Variants in FARP1 observed in about 807,000 individuals in gnomAD.
The protein encoded by FARP1 is FERM, ARH/RhoGEF and pleckstrin domain protein 1.
In FARP1, 52 loss-of-function variants were observed where a neutral mutation model predicts 128.8. The observed-to-expected ratio is 0.40, with a 90% CI of 0.32 to 0.51. FARP1 has a LOEUF of 0.51. Ranked by LOEUF, FARP1 falls within the 20% of genes least tolerant of loss-of-function variation. The pLI is 0.45. For synonymous variants in FARP1, 580 were observed against 551.8 expected, an observed-to-expected ratio of 1.05 and a Z score of -0.72; for missense variants, 1,333 against 1,367.9, an observed-to-expected ratio of 0.97 and a Z score of 0.40.
At chr13:98,185,349 GA>G in intron 1 of FARP1, among the ~76,000 whole-genome samples, 1 of 152,318 alleles carries the variant, frequency 6.6e-6, no homozygotes, top group South Asian at 2.1e-4. Flanking sequence ...GGCAAGTCAA[GA>G]AAGTGAAGCA....
intron 1 of FARP1, among the ~76,000 whole-genome samples, chr13:98,148,335 G>A (rs1172337977): frequency 3.3e-5 from 5 of 152,202 alleles, no homozygotes; most frequent in Non-Finnish European, 4.4e-5. Context: ...CTGAGATTAC[G>A]CCATTGTACT....
chr13:98,153,012 C>T (rs77011708), intron 1 of FARP1, among the ~76,000 whole-genome samples: 23,930 of 151,852 alleles, frequency 0.16, 2,379 homozygotes, highest in Middle Eastern at 0.26. Flanking sequence ...TTTCTGTCAA[C>T]CTAGAATATC....
intron 1 of FARP1, among the ~76,000 whole-genome samples, chr13:98,167,653 G>C (rs1449767936): frequency 6.6e-6 from 1 of 151,582 alleles, no homozygotes; most frequent in Non-Finnish European, 1.5e-5. Flanking sequence ...CAAATGATCC[G>C]CCCGCCTCAG....
rs111872397 is a variant in FARP1 at position 98,221,650 on chromosome 13, G to A, written c.171+8237G>A. On this transcript the variant is annotated intron_variant, in intron 2 of 26. Transcript: ENST00000319562. ...TGCACTTTGCGCTCAGAAATTTTAC[G>A]TGCATTTTTGCTTTCCTGATTTCTT... is the stretch of plus-strand genomic sequence containing the variant. Among the ~76,000 whole-genome samples the A allele has an allele frequency of 8.3e-3, 1,271 of 152,272 alleles. 15 individuals carry two copies. Among genetic ancestry groups the A allele is most frequent in the African/African-American group, 0.029 (1,200 of 41,554 alleles).
intron 8 of FARP1, among the ~76,000 whole-genome samples, chr13:98,386,555 T>C (rs1206403301): frequency 6.6e-6 from 1 of 152,212 alleles, no homozygotes; most frequent in East Asian, 1.9e-4. Context: ...TATATATGTA[T>C]ATCCTGTAAA....
chr13:98,336,963 C>T (rs993279232), intron 2 of FARP1, among the ~76,000 whole-genome samples: 2 of 152,196 alleles, frequency 1.3e-5, no homozygotes, highest in African/African-American at 4.8e-5. Flanking sequence ...GAGAACCCTT[C>T]AGGAATATTA....
intron 1 of FARP1, among the ~76,000 whole-genome samples, chr13:98,162,073 T>G (rs1371950615): frequency 1.3e-5 from 2 of 152,218 alleles, no homozygotes; most frequent in African/African-American, 4.8e-5. Flanking sequence ...CCACTGTGCC[T>G]GGCTCTTCCT....
At chr13:98,287,323 G>A (rs555421760) in intron 2 of FARP1, among the ~76,000 whole-genome samples, 53 of 141,512 alleles carry the variant, frequency 3.7e-4, no homozygotes, top group Admixed American at 4.5e-4. Context: ...TTCTCCTCCC[G>A]GGTTCATGCC....
chr13:98,221,732 TC>T (rs1478928386), intron 2 of FARP1, among the ~76,000 whole-genome samples: 1 of 152,188 alleles, frequency 6.6e-6, no homozygotes, highest in East Asian at 1.9e-4. Flanking sequence ...GTCAGGATGT[TC>T]CTGGGTGAAT....
chr13:98,412,112 C>A, intron 16 of FARP1, 78 bp downstream of exon 16: 1 of 1,421,018 alleles, frequency 7.0e-7, no homozygotes. Context: ...CCTGGGTAGG[C>A]AGCAGGCAGG....
intron 16 of FARP1, among the ~76,000 whole-genome samples, chr13:98,417,455 GAA>G (rs869304302): frequency 0.039 from 2,252 of 57,976 alleles, 46 homozygotes; most frequent in Non-Finnish European, 0.062. Flanking sequence ...CCAGAGGTTT[GAA>G]AAAAAAAAAA....
chr13:98,157,720 C>T (rs78548084), intron 1 of FARP1, among the ~76,000 whole-genome samples: 7,992 of 152,248 alleles, frequency 0.052, 285 homozygotes, highest in Non-Finnish European at 0.078. Flanking sequence ...ATTGGCAGAG[C>T]AGAGATAGAA....
intron 2 of FARP1, among the ~76,000 whole-genome samples, chr13:98,297,952 T>G (rs1885770123): frequency 6.6e-6 from 1 of 152,260 alleles, no homozygotes; most frequent in South Asian, 2.1e-4. Context: ...TCCCTGTATC[T>G]TGTTTGCCAT....
rs182849168 is a variant in FARP1 at position 98,189,544 on chromosome 13, G to T, written c.-23-23676G>T. ...ATGAGCAGAACAGAAAGGAACTTGA[G>T]TATATGATAAATTAGTTAACCAGAT... is the stretch of plus-strand genomic sequence containing the variant. On this transcript the variant is annotated intron_variant, in intron 1 of 26. Transcript: ENST00000319562. 7.2e-5 allele frequency among the ~76,000 whole-genome samples: 11 copies of T among 152,246 alleles called. No individual in the cohort carries two copies. The East Asian group carries it at 1.9e-3, about 27-fold the overall frequency.
At chr13:98,244,410 C>T in intron 2 of FARP1, 1 of 1,309,448 alleles carries the variant, frequency 7.6e-7, no homozygotes, top group Non-Finnish European at 1.1e-6. Flanking sequence ...TGCTGTGTCT[C>T]TTTATTGTTA....
At chr13:98,413,660 C>CAATATT (rs1380252565) in intron 16 of FARP1, among the ~76,000 whole-genome samples, 3 of 152,144 alleles carry the variant, frequency 2.0e-5, no homozygotes, top group Non-Finnish European at 4.4e-5. Flanking sequence ...ACCCTGTCTC[C>CAATATT]AAAATTAAAA....
chr13:98,453,807 T>C lies in FARP1; in HGVS notation c.*5490T>C, dbSNP rs1893319094. The C allele has an allele frequency of 1.4e-5, 2 of 141,188 alleles. No individual in the cohort carries two copies. The highest frequency in any genetic ancestry group is 7.1e-5 in the Admixed American group (1 of 14,136). 8.7% of individuals were successfully genotyped at this position (141,188 alleles called of 1,614,324 possible). A position where few individuals can be genotyped will look rare whatever the true frequency, so the allele number is the denominator to read the frequency against. On this transcript the variant is annotated 3_prime_UTR_variant, in exon 27 of 27. Coordinates refer to ENST00000319562, the MANE Select transcript of FARP1 (RefSeq NM_005766.4). ...TAACAGACTAAAAATGGTAATTATCTGTATTTACATATATATATTAAAGCA... is the reference window on the plus strand; with the variant it reads ...TAACAGACTAAAAATGGTAATTATCCGTATTTACATATATATATTAAAGCA...
At chr13:98,414,386 G>C (rs913870559) in intron 16 of FARP1, among the ~76,000 whole-genome samples, 17 of 152,268 alleles carry the variant, frequency 1.1e-4, no homozygotes, top group African/African-American at 4.1e-4. Context: ...ATCATTGGAA[G>C]GGGCTGCAGT....
Position 98,231,609 on chromosome 13 carries a change from T to C in FARP1, c.171+18196T>C, listed in dbSNP as rs184850794. Among the ~76,000 whole-genome samples, 54 of 151,816 alleles carry C rather than the reference T, an allele frequency of 3.6e-4. 1 individual carries two copies. Among genetic ancestry groups the C allele is most frequent in the African/African-American group, 1.3e-3 (52 of 41,396 alleles). On this transcript the variant is annotated intron_variant, in intron 2 of 26. Transcript: ENST00000319562. Reference sequence around the variant, plus strand: ...CCTGCCGCCATGCCCGGCTAATTTTTTGTATTTTTAGTAGAGACAGGGTTC... The same window carrying C: ...CCTGCCGCCATGCCCGGCTAATTTTCTGTATTTTTAGTAGAGACAGGGTTC...
Sources: gnomAD v4.1 joint callset for allele counts (sites outside exome capture counted in the v4.1 genomes callset) on GRCh38, gnomAD v4.1.1 for gene constraint, MANE v1.5 for transcripts, NCBI Gene and HGNC (gene_info 2026-07-23, HGNC 2026-07-21) for gene names.